Variants in SLIT2 observed in about 807,000 individuals in gnomAD.
The protein encoded by SLIT2 is slit guidance ligand 2.
Under a neutral mutation model 185.7 loss-of-function variants are expected in SLIT2, and 41 were observed. That is an observed-to-expected ratio of 0.22 (90% CI 0.17 to 0.29). The LOEUF is 0.29. Ranked by LOEUF, SLIT2 falls within the 10% of genes least tolerant of loss-of-function variation. SLIT2 has a pLI of 1.00. For missense variants in SLIT2, 1,571 were observed against 1,909.0 expected (o/e 0.82, Z 3.30); for synonymous variants, 693 against 680.2 (o/e 1.02, Z -0.29).
chr4:20,607,672 C>G lies in SLIT2; in HGVS notation c.3693-2341C>G, dbSNP rs1365993526. 2.0e-5 allele frequency among the ~76,000 whole-genome samples: 3 copies of G among 152,280 alleles called. No homozygotes were observed. The East Asian group carries it at 5.8e-4, about 29-fold the overall frequency. On this transcript the variant is annotated intron_variant, in intron 33 of 36. Transcript: ENST00000504154. ...TGTTAACTTAAACCACACAATTGTA[C>G]TGCATCAAACACCATCATTGATGAT...
chr4:20,415,365 C>G (rs940573142), intron 4 of SLIT2, among the ~76,000 whole-genome samples: 1 of 141,950 alleles, frequency 7.0e-6, no homozygotes, highest in African/African-American at 2.7e-5. Context: ...AAGCCCAGAT[C>G]GCACCACTGC....
chr4:20,368,264 T>G (rs1413883681), intron 4 of SLIT2, among the ~76,000 whole-genome samples: 1 of 121,310 alleles, frequency 8.2e-6, no homozygotes, highest in Admixed American at 8.1e-5. Context: ...AGAGAAAGAA[T>G]GGGAAGTAGA....
At chr4:20,294,682 T>A (rs1716297424) in intron 4 of SLIT2, among the ~76,000 whole-genome samples, 1 of 152,208 alleles carries the variant, frequency 6.6e-6, no homozygotes, top group African/African-American at 2.4e-5. Context: ...GTAAAATTAA[T>A]TTGTAAAAGC....
chr4:20,442,500 G>T (rs1729837575), intron 4 of SLIT2, among the ~76,000 whole-genome samples: 1 of 147,692 alleles, frequency 6.8e-6, no homozygotes, highest in Non-Finnish European at 1.5e-5. Flanking sequence ...CTCCAGCCTG[G>T]GCGACAGAGG....
At chr4:20,282,271 T>A (rs1714849143) in intron 4 of SLIT2, among the ~76,000 whole-genome samples, 1 of 152,220 alleles carries the variant, frequency 6.6e-6, no homozygotes, top group South Asian at 2.1e-4. Context: ...ACAGTCCAGA[T>A]ATTTCTCTGT....
chr4:20,546,237 T>A (rs1225648148), intron 22 of SLIT2, 138 bp downstream of exon 22: 21 of 515,482 alleles, frequency 4.1e-5, no homozygotes. Flanking sequence ...CTCATTGCGG[T>A]TCTGGACCCC....
intron 4 of SLIT2, among the ~76,000 whole-genome samples, chr4:20,322,230 A>G (rs1318586132): frequency 1.3e-5 from 2 of 152,200 alleles, no homozygotes; most frequent in African/African-American, 4.8e-5. Flanking sequence ...ACATGCACCC[A>G]TGACACAACT....
chr4:20,408,043 ATTG>A, intron 4 of SLIT2, among the ~76,000 whole-genome samples: 1 of 152,320 alleles, frequency 6.6e-6, no homozygotes, highest in South Asian at 2.1e-4. Flanking sequence ...ATCAGCAACT[ATTG>A]TTATCTCCAC....
intron 5 of SLIT2, among the ~76,000 whole-genome samples, chr4:20,471,406 A>G (rs201336944): frequency 2.0e-5 from 3 of 152,164 alleles, no homozygotes; most frequent in Non-Finnish European, 2.9e-5. Context: ...TAATATTAGC[A>G]TTATTAATAT....
chr4:20,510,728 T>G (rs1294857015), intron 10 of SLIT2, among the ~76,000 whole-genome samples, 162 bp downstream of exon 10: 1 of 152,218 alleles, frequency 6.6e-6, no homozygotes, highest in African/African-American at 2.4e-5. Flanking sequence ...TTAATCTTAA[T>G]ATCTAAACTA....
At chr4:20,534,319 A>G (rs1185954769) in intron 18 of SLIT2, among the ~76,000 whole-genome samples, 1 of 152,132 alleles carries the variant, frequency 6.6e-6, no homozygotes, top group Non-Finnish European at 1.5e-5. Flanking sequence ...CTGTTTTTTC[A>G]AAGAAAACAT....
chr4:20,443,591 A>G lies in SLIT2; in HGVS notation c.396-24161A>G, dbSNP rs867739487. On this transcript the variant is annotated intron_variant, in intron 4 of 36. Transcript: ENST00000504154. ...AGCAGAGGAGAAAATCTAAAAAAAA[A>G]AAAAAAAAAAAAAAAAAAGAGTAAT... is the stretch of plus-strand genomic sequence containing the variant. 2.7e-3 allele frequency among the ~76,000 whole-genome samples: 412 copies of G among 150,606 alleles called. 2 individuals carry two copies. The highest frequency in any genetic ancestry group is 9.4e-3 in the African/African-American group (388 of 41,212).
At chr4:20,291,480 ATATATATATATATTTTTTTTTTTTTTTT>A (rs1471102652) in intron 4 of SLIT2, among the ~76,000 whole-genome samples, 19 of 14,040 alleles carry the variant, frequency 1.4e-3, no homozygotes, top group Admixed American at 7.6e-3. Flanking sequence ...ATATATATAT[ATATATATATATATTTTTTTTTTTTTTTT>A]TTTTTTTTTT....
intron 8 of SLIT2, among the ~76,000 whole-genome samples, chr4:20,490,325 T>A (rs1490690091): frequency 6.6e-6 from 1 of 152,188 alleles, no homozygotes; most frequent in Non-Finnish European, 1.5e-5. Flanking sequence ...CCAAAGTTTA[T>A]GTAGTTGAGT....
intron 4 of SLIT2, among the ~76,000 whole-genome samples, chr4:20,275,806 A>G (rs1195575669): frequency 1.3e-5 from 2 of 152,116 alleles, no homozygotes; most frequent in Admixed American, 1.3e-4. Context: ...AAAGACTGTG[A>G]CTCAGGAACT....
chr4:20,417,128 T>A (rs1012878904), intron 4 of SLIT2, among the ~76,000 whole-genome samples: 4 of 152,120 alleles, frequency 2.6e-5, no homozygotes, highest in Admixed American at 6.5e-5. Flanking sequence ...GTCTCTAGAA[T>A]TAGGAGATCA....
At chr4:20,615,125 A>T (rs910220782) in intron 34 of SLIT2, 1 of 152,236 alleles carries the variant, frequency 6.6e-6, no homozygotes, top group South Asian at 2.1e-4. Context: ...TAACCACTGA[A>T]AAAAGGACCA....
At chr4:20,529,265 A>G (rs1198624986) in intron 16 of SLIT2, among the ~76,000 whole-genome samples, 166 bp downstream of exon 16, 2 of 152,204 alleles carry the variant, frequency 1.3e-5, no homozygotes, top group Non-Finnish European at 2.9e-5. Flanking sequence ...ATTAGAGGCT[A>G]CCTTCATTCA....
At chr4:20,541,769 CACTT>C in intron 20 of SLIT2, 150 bp downstream of exon 20, 1 of 653,718 alleles carries the variant, frequency 1.5e-6, no homozygotes, top group South Asian at 2.0e-5. Flanking sequence ...AGTGCCAGGA[CACTT>C]ACTTTCTTAG....
Sources: allele counts gnomAD v4.1 joint callset (sites outside exome capture counted in the v4.1 genomes callset), GRCh38; gene constraint gnomAD v4.1.1; transcripts MANE v1.5; gene names NCBI Gene and HGNC (gene_info 2026-07-23, HGNC 2026-07-21).